The following CES5A variants were observed in gnomAD, a reference collection of about 807,000 sequenced individuals.
The protein encoded by CES5A is carboxylesterase 5.
Under a neutral mutation model 62.9 loss-of-function variants are expected in CES5A, and 67 were observed. The ratio of observed to expected loss-of-function variants is 1.07; its 90% CI spans 0.88 to 1.31. The LOEUF (loss-of-function observed/expected upper bound fraction) is 1.31, where lower values mean the gene tolerates loss of function less well. Ranked by LOEUF, CES5A falls within the 50% of genes most tolerant of loss-of-function variation. The pLI, the probability that CES5A is intolerant of heterozygous loss-of-function variation, is 0.00. For synonymous variants in CES5A, 296 were observed against 280.8 expected (o/e 1.05, Z -0.54); for missense variants, 748 against 708.5 (o/e 1.06, Z -0.63).
intron 9 of CES5A, among the ~76,000 whole-genome samples, chr16:55,854,346 A>C (rs148391470): frequency 2.6e-3 from 392 of 151,518 alleles, no homozygotes; most frequent in South Asian, 0.025. Flanking sequence ...TGTTCCCCTC[A>C]CCTATGGCTT....
chr16:55,923,194 T>C (rs1429655463), intron 1 of CES5A, among the ~76,000 whole-genome samples: 5 of 151,142 alleles, frequency 3.3e-5, no homozygotes, highest in African/African-American at 1.2e-4. Flanking sequence ...CAGAAATAAA[T>C]GAAATTCAGA....
At position 55,871,662 on chromosome 16, in the gene CES5A, T is replaced by C; in HGVS notation, c.380A>G (p.Tyr127Cys). Residue 127 changes from tyrosine (Y) to cysteine (C), a missense_variant, in exon 3 of 13, where the codon TAT becomes TGT. By Grantham distance (194) the Tyr-to-Cys change is radical. Coordinates refer to ENST00000290567, the MANE Select transcript of CES5A (RefSeq NM_001143685.2). ...GCCTGTATCGGCGTGGGCAGGCGCATAGATGTTCAGGTAGAGGCAGTCTTC... is the reference window on the plus strand; with the variant it reads ...GCCTGTATCGGCGTGGGCAGGCGCACAGATGTTCAGGTAGAGGCAGTCTTC... ...VSEDCLYLNIYAPAHADTGSK... is the reference protein window; with the variant it reads ...VSEDCLYLNICAPAHADTGSK... 6.2e-7 allele frequency: 1 copy of C among 1,614,088 alleles called. No homozygotes were observed. The highest frequency in any genetic ancestry group is 8.5e-7 in the Non-Finnish European group (1 of 1,179,998).
intron 2 of CES5A, among the ~76,000 whole-genome samples, chr16:55,932,374 A>G (rs1324151375): frequency 1.3e-5 from 2 of 152,194 alleles, no homozygotes; most frequent in African/African-American, 4.8e-5. Context: ...AGCAACAGAA[A>G]ACAGACTAAG....
chr16:55,949,403 A>G (rs1779821944), intron 2 of CES5A, among the ~76,000 whole-genome samples: 1 of 152,218 alleles, frequency 6.6e-6, no homozygotes, highest in Admixed American at 6.5e-5. Flanking sequence ...GCAATCCCCA[A>G]AGGGGAGATA....
At chr16:55,901,801 T>C (rs2033992932) in intron 1 of CES5A, among the ~76,000 whole-genome samples, 1 of 152,222 alleles carries the variant, frequency 6.6e-6, no homozygotes, top group African/African-American at 2.4e-5. Context: ...AAATGTTTTT[T>C]CTGACCCCAC....
chr16:55,866,753 G>A (rs1194008787), intron 4 of CES5A, among the ~76,000 whole-genome samples: 1 of 151,726 alleles, frequency 6.6e-6, no homozygotes, highest in Admixed American at 6.6e-5. Flanking sequence ...CAGGAGAATG[G>A]CTTGACCCCG....
At chr16:55,878,498 C>T (rs1236074056), upstream of CES5A, among the ~76,000 whole-genome samples, 16 of 151,862 alleles carry the variant, frequency 1.1e-4, no homozygotes, top group Admixed American at 2.6e-4. Flanking sequence ...TTAACTTGAC[C>T]TTCAAATCTT....
chr16:55,873,954 G>A lies in CES5A; in HGVS notation c.157C>T (p.Pro53Ser). 6.2e-7 allele frequency: 1 copy of A among 1,613,518 alleles called. No individual in the cohort carries two copies. Among genetic ancestry groups the A allele is most frequent in the Non-Finnish European group, 8.5e-7 (1 of 1,179,858 alleles). ...KQVTVLGSPV[P>S]VNVFLGVPFA... ...GGGACTCCGAGGAACACGTTCACAGGCACAGGGCTTCCCAGCACAGTGACT... is the reference window on the plus strand; with the variant it reads ...GGGACTCCGAGGAACACGTTCACAGACACAGGGCTTCCCAGCACAGTGACT... The change falls in exon 2 of 13, where the codon CCT (proline) becomes TCT (serine). Residue 53 changes from proline (P) to serine (S), a missense_variant. By Grantham distance (74) the Pro-to-Ser change is moderately conservative. Coordinates refer to ENST00000290567, the MANE Select transcript of CES5A (RefSeq NM_001143685.2).
At chr16:55,942,220 A>G (rs2034452896) in intron 2 of CES5A, among the ~76,000 whole-genome samples, 1 of 152,220 alleles carries the variant, frequency 6.6e-6, no homozygotes. Context: ...AACAATAGGT[A>G]ACTTGAACTT....
exon 2 of CES5A, chr16:55,949,863 C>G: frequency 2.6e-6 from 4 of 1,524,754 alleles, no homozygotes; most frequent in Non-Finnish European, 3.5e-6. Flanking sequence ...AAATAGTAAA[C>G]CAGGCACAAT....
chr16:55,912,289 A>T (rs1246058690), intron 1 of CES5A, among the ~76,000 whole-genome samples: 3 of 152,240 alleles, frequency 2.0e-5, no homozygotes, highest in Non-Finnish European at 4.4e-5. Flanking sequence ...ATGGCTAAAA[A>T]TACATTCCGA....
At position 55,923,568 on chromosome 16, in the gene CES5A, C is replaced by T. The variant is rs1370604497; in HGVS notation, c.-256+1755G>A. Among the ~76,000 whole-genome samples, 6 of 151,844 alleles carry T rather than the reference C, an allele frequency of 4.0e-5. No homozygotes were observed. In the East Asian group the frequency reaches 1.2e-3, roughly 29 times the overall value. ...TAAAGCCCAGGACCTGATAGCTTCA[C>T]TGATGAATTCTATCCAACATTTAAA... On this transcript the variant is annotated intron_variant, in intron 1 of 12. Transcript: ENST00000518005.
At chr16:55,856,590 A>G (rs1472021905) in intron 8 of CES5A, 145 bp from the exon 9 acceptor site, 1 of 671,176 alleles carries the variant, frequency 1.5e-6, no homozygotes, top group South Asian at 1.7e-5. Context: ...AAGTGGCCTC[A>G]GTGTGCTTGT....
chr16:55,903,248 T>C (rs1463865788), intron 1 of CES5A, among the ~76,000 whole-genome samples: 1 of 152,156 alleles, frequency 6.6e-6, no homozygotes, highest in African/African-American at 2.4e-5. Flanking sequence ...ACACGCTTTC[T>C]ACACCAGACT....
chr16:55,935,315 G>A (rs145699213), intron 2 of CES5A, among the ~76,000 whole-genome samples: 7 of 152,340 alleles, frequency 4.6e-5, no homozygotes, highest in African/African-American at 1.4e-4. Context: ...GGCAGAAAGA[G>A]TTTCTTCTTA....
intron 2 of CES5A, among the ~76,000 whole-genome samples, chr16:55,935,460 C>T (rs1470517092): frequency 1.3e-5 from 2 of 152,210 alleles, no homozygotes; most frequent in African/African-American, 4.8e-5. Flanking sequence ...AACAGCCTCA[C>T]TGACACAGCC....
At chr16:55,932,715 A>T (rs2034327821) in intron 2 of CES5A, among the ~76,000 whole-genome samples, 1 of 152,108 alleles carries the variant, frequency 6.6e-6, no homozygotes, top group East Asian at 1.9e-4. Flanking sequence ...AAAAAGAAAG[A>T]GCTTGTTGAG....
At chr16:55,923,016 A>G (rs1597151468) in intron 1 of CES5A, among the ~76,000 whole-genome samples, 1 of 151,862 alleles carries the variant, frequency 6.6e-6, no homozygotes. Context: ...CAACATAACT[A>G]TATATGGGAT....
At chr16:55,862,324 G>A (rs1178312526) in intron 6 of CES5A, among the ~76,000 whole-genome samples, 2 of 152,152 alleles carry the variant, frequency 1.3e-5, no homozygotes, top group African/African-American at 2.4e-5. Flanking sequence ...CTGGGAAAAC[G>A]TGCAAGCATG....
Sources: allele counts gnomAD v4.1 joint callset (sites outside exome capture counted in the v4.1 genomes callset), GRCh38; gene constraint gnomAD v4.1.1; transcripts MANE v1.5; gene names NCBI Gene and HGNC (gene_info 2026-07-23, HGNC 2026-07-21).